Variants in TMEM232 observed in about 807,000 individuals in gnomAD.
TMEM232 encodes the protein transmembrane protein 232.
A neutral mutation model predicts 78.8 loss-of-function variants in TMEM232; 80 were observed. The observed-to-expected ratio is 1.01, with a 90% CI of 0.85 to 1.22. TMEM232 has a LOEUF of 1.22. Ranked by LOEUF, TMEM232 falls within the 50% of genes most tolerant of loss-of-function variation. The pLI is 0.00. For missense variants in TMEM232, 881 were observed against 742.2 expected, an observed-to-expected ratio of 1.19 and a Z score of -2.17; for synonymous variants, 297 against 254.3, an observed-to-expected ratio of 1.17 and a Z score of -1.60.
At chr5:110,653,399 C>G (rs572041906) in intron 2 of TMEM232, among the ~76,000 whole-genome samples, 2 of 152,186 alleles carry the variant, frequency 1.3e-5, no homozygotes, top group South Asian at 4.1e-4. Context: ...ATATTCAGTG[C>G]TGTAAAACTG....
At chr5:110,571,390 C>T (rs1450612086) in intron 10 of TMEM232, among the ~76,000 whole-genome samples, 1 of 151,974 alleles carries the variant, frequency 6.6e-6, no homozygotes, top group Non-Finnish European at 1.5e-5. Context: ...AAGGACAAAA[C>T]TGGGAAAGTC....
chr5:110,575,775 C>T (rs949917370), intron 10 of TMEM232, among the ~76,000 whole-genome samples: 1 of 151,992 alleles, frequency 6.6e-6, no homozygotes, highest in African/African-American at 2.4e-5. Context: ...CCATGCTTCT[C>T]CCACAGATCT....
intron 2 of TMEM232, among the ~76,000 whole-genome samples, chr5:110,731,856 T>C (rs751097585): frequency 7.2e-5 from 11 of 152,226 alleles, no homozygotes; most frequent in Non-Finnish European, 1.5e-4. Flanking sequence ...CAAATTTCTG[T>C]GGCCAGCTTG....
intron 11 of TMEM232, among the ~76,000 whole-genome samples, chr5:110,530,078 A>T (rs1464772825): frequency 6.6e-6 from 1 of 152,230 alleles, no homozygotes; most frequent in Non-Finnish European, 1.5e-5. Context: ...TCTGTACATG[A>T]ACATCTAACT....
intron 11 of TMEM232, among the ~76,000 whole-genome samples, chr5:110,539,040 G>T (rs1419565118): frequency 1.3e-5 from 2 of 152,016 alleles, no homozygotes; most frequent in African/African-American, 4.8e-5. Context: ...GTTAAAATAG[G>T]GGCACTGCTA....
chr5:110,398,415 G>A (rs1052551635), intron 2 of TMEM232, among the ~76,000 whole-genome samples: 1 of 152,080 alleles, frequency 6.6e-6, no homozygotes, highest in Non-Finnish European at 1.5e-5. Flanking sequence ...TAAGTATCGC[G>A]TGCAGGTTCT....
intron 12 of TMEM232, among the ~76,000 whole-genome samples, chr5:110,510,498 T>C (rs1767592799): frequency 6.6e-6 from 1 of 152,218 alleles, no homozygotes; most frequent in East Asian, 1.9e-4. Flanking sequence ...CCTTTCCATT[T>C]CTATTGCCAC....
intron 12 of TMEM232, among the ~76,000 whole-genome samples, chr5:110,468,150 A>ATATT (rs1762288216): frequency 6.6e-6 from 1 of 152,188 alleles, no homozygotes; most frequent in African/African-American, 2.4e-5. Context: ...AAAAAAAGAT[A>ATATT]TATTACAGCT....
At chr5:110,607,561 T>C (rs1781672476) in intron 8 of TMEM232, among the ~76,000 whole-genome samples, 1 of 152,024 alleles carries the variant, frequency 6.6e-6, no homozygotes, top group South Asian at 2.1e-4. Context: ...CATGAGTGTA[T>C]ACATTTGCCC....
At chr5:110,477,159 T>A (rs1763342765) in intron 12 of TMEM232, among the ~76,000 whole-genome samples, 1 of 152,022 alleles carries the variant, frequency 6.6e-6, no homozygotes, top group African/African-American at 2.4e-5. Context: ...ACTGAATACA[T>A]ACCACTATTT....
chr5:110,498,972 T>C (rs1201982712), intron 12 of TMEM232, among the ~76,000 whole-genome samples: 1 of 152,160 alleles, frequency 6.6e-6, no homozygotes, highest in African/African-American at 2.4e-5. Context: ...TGTTCTTACA[T>C]ATGATATGAT....
rs189482601 is a variant in TMEM232 at position 110,736,204 on chromosome 5, T to C, written c.-125-1189A>G. On this transcript the variant is annotated intron_variant, in intron 1 of 4. Transcript: ENST00000512886. ...CAATAAACTCTGGACGATTTCAGCA[T>C]AATTATTTTAGAAATATTTTGGAGA... Among the ~76,000 whole-genome samples the C allele has an allele frequency of 3.4e-3, 517 of 152,342 alleles. 3 individuals carry two copies. The highest frequency in any genetic ancestry group is 0.012 in the African/African-American group (493 of 41,582).
At chr5:110,713,383 T>G (rs573662181) in intron 1 of TMEM232, among the ~76,000 whole-genome samples, 2 of 152,196 alleles carry the variant, frequency 1.3e-5, no homozygotes, top group Admixed American at 6.5e-5. Flanking sequence ...ATTATAAATT[T>G]AAAAATAACT....
intron 2 of TMEM232, among the ~76,000 whole-genome samples, chr5:110,656,874 A>G (rs2150084451): frequency 6.6e-6 from 1 of 152,102 alleles, no homozygotes; most frequent in East Asian, 1.9e-4. Context: ...GAAAATCATT[A>G]GAGTTAATAT....
intron 12 of TMEM232, among the ~76,000 whole-genome samples, chr5:110,497,094 T>G (rs1342388011): frequency 6.6e-6 from 1 of 151,946 alleles, no homozygotes; most frequent in African/African-American, 2.4e-5. Flanking sequence ...GATATATCTA[T>G]GGTCTCCTCC....
intron 12 of TMEM232, among the ~76,000 whole-genome samples, chr5:110,475,188 G>A (rs1354431821): frequency 6.6e-6 from 1 of 151,854 alleles, no homozygotes; most frequent in African/African-American, 2.4e-5. Flanking sequence ...AATATATACA[G>A]TTATGCCAAT....
intron 12 of TMEM232, among the ~76,000 whole-genome samples, chr5:110,432,689 T>C (rs1344177080): frequency 1.3e-5 from 2 of 151,568 alleles, no homozygotes; most frequent in African/African-American, 2.4e-5. Flanking sequence ...AAGTTGCAAA[T>C]TGGATTAAAA....
intron 10 of TMEM232, 64 bp downstream of exon 10, chr5:110,605,045 T>C (rs558053582): frequency 2.1e-6 from 3 of 1,405,906 alleles, no homozygotes; most frequent in South Asian, 1.5e-5. Flanking sequence ...AGAATGCTTA[T>C]TACTATATGT....
chr5:110,604,380 G>A (rs1460744766), intron 10 of TMEM232, among the ~76,000 whole-genome samples: 2 of 151,934 alleles, frequency 1.3e-5, no homozygotes, highest in Non-Finnish European at 2.9e-5. Context: ...ACTATTTGAT[G>A]GACTATAAGA....
Sources: gnomAD v4.1 joint callset for allele counts (sites outside exome capture counted in the v4.1 genomes callset) on GRCh38, gnomAD v4.1.1 for gene constraint, MANE v1.5 for transcripts, NCBI Gene and HGNC (gene_info 2026-07-23, HGNC 2026-07-21) for gene names.